GSDME: variants seen among roughly 807,000 people sequenced by gnomAD.
GSDME encodes gasdermin-E.
GSDME carries 44 observed loss-of-function variants against 47.5 expected under a neutral mutation model. The ratio of observed to expected loss-of-function variants is 0.93; its 90% CI spans 0.73 to 1.19. The LOEUF (loss-of-function observed/expected upper bound fraction) is 1.19, where lower values mean the gene tolerates loss of function less well. Ranked by LOEUF, GSDME falls within the 50% of genes most tolerant of loss-of-function variation. The pLI is 0.00. For synonymous variants in GSDME, 258 were observed against 252.8 expected (o/e 1.02, Z -0.20); for missense variants, 663 against 604.2 (o/e 1.10, Z -1.02).
chr7:24,781,207 C>T, the GSDME span, among the ~76,000 whole-genome samples: 1 of 152,192 alleles, frequency 6.6e-6, no homozygotes, highest in Non-Finnish European at 1.5e-5. Context: ...AGGTGTACAG[C>T]CTAACTCCAG....
At chr7:24,772,803 T>C in the GSDME span, among the ~76,000 whole-genome samples, 2 of 152,182 alleles carry the variant, frequency 1.3e-5, no homozygotes, top group African/African-American at 4.8e-5. The surrounding 1 kb of genome is among the most constrained non-coding windows in gnomAD (Gnocchi z 4.5). Flanking sequence ...CTTAGAAAGG[T>C]ATTTCTTTCT....
intron 5 of GSDME, among the ~76,000 whole-genome samples, chr7:24,711,328 G>A (rs1275220440): frequency 2.6e-5 from 4 of 152,008 alleles, no homozygotes; most frequent in Non-Finnish European, 5.9e-5. Context: ...TGCTGGAAGC[G>A]ATTCTCCTGT....
rs1489198655 is a variant in GSDME, at chr7:24,705,122, G to C, written c.1183+1062C>G. The C allele has an allele frequency of 1.3e-5, 2 of 152,110 alleles. No individual in the cohort carries two copies. The highest frequency in any genetic ancestry group is 2.9e-5 in the Non-Finnish European group (2 of 68,040). 9.4% of individuals were successfully genotyped at this position (152,110 alleles called of 1,614,324 possible). A position where few individuals can be genotyped will look rare whatever the true frequency, so the allele number is the denominator to read the frequency against. On this transcript the variant is annotated intron_variant, in intron 8 of 9. Transcript: ENST00000645220. The surrounding 1 kb of genome is among the most constrained non-coding windows in gnomAD (Gnocchi z 4.1). ...ATAGAAATGCTGCAATAAGTAATGG[G>C]GTATATGAAGAAAAGACCTCTCACA...
chr7:24,791,635 C>T, the GSDME span, among the ~76,000 whole-genome samples: 4 of 152,334 alleles, frequency 2.6e-5, no homozygotes, highest in South Asian at 8.3e-4. This position sits in a 1 kb window ranked among gnomAD's most constrained non-coding sequence, Gnocchi z 4.8. Context: ...GATCCATCTT[C>T]TTCTATCACC....
chr7:24,778,907 T>A, the GSDME span, among the ~76,000 whole-genome samples: 1 of 152,172 alleles, frequency 6.6e-6, no homozygotes, highest in Non-Finnish European at 1.5e-5. This position sits in a 1 kb window ranked among gnomAD's most constrained non-coding sequence, Gnocchi z 5.6. Flanking sequence ...TTGGAGGGCA[T>A]CTTGCAAGCT....
At position 24,735,441 on chromosome 7, in the gene GSDME, A is replaced by G. The variant is rs1305195026; in HGVS notation, c.404+9121T>C. On this transcript the variant is annotated intron_variant, in intron 3 of 9. Coordinates refer to ENST00000645220, the MANE Select transcript of GSDME (RefSeq NM_001127453.2). This position sits in a 1 kb window ranked among gnomAD's most constrained non-coding sequence, Gnocchi z 4.4. ...CTACTCATATCTTAAGCAGAAAGAC[A>G]AAAAGATGAACCAATTAAAAATAGT... Among the ~76,000 whole-genome samples the G allele has an allele frequency of 2.0e-5, 3 of 152,194 alleles. No homozygotes were observed. Among genetic ancestry groups the G allele is most frequent in the African/African-American group, 2.4e-5 (1 of 41,450 alleles).
At chr7:24,717,517 G>T in intron 4 of GSDME, 143 bp from the exon 5 acceptor site, 1 of 1,335,078 alleles carries the variant, frequency 7.5e-7, no homozygotes, top group Non-Finnish European at 1.0e-6. Context: ...GAGCCAGCCA[G>T]CATGGGGGAT....
At position 24,735,016 on chromosome 7, in the gene GSDME, A is replaced by G. The variant is rs1584091003; in HGVS notation, c.404+9546T>C. 6.6e-6 allele frequency among the ~76,000 whole-genome samples: 1 copy of G among 152,196 alleles called. No individual in the cohort carries two copies. The highest frequency in any genetic ancestry group is 1.9e-4 in the East Asian group (1 of 5,192). On this transcript the variant is annotated intron_variant, in intron 3 of 9. Transcript: ENST00000645220. This position sits in a 1 kb window ranked among gnomAD's most constrained non-coding sequence, Gnocchi z 4.4. ...AAGGCATTTAATAAGCAAATTCCCAAAAATCAAGGATAAAGAAAGGATCCT... is the reference window on the plus strand; with the variant it reads ...AAGGCATTTAATAAGCAAATTCCCAGAAATCAAGGATAAAGAAAGGATCCT...
upstream of GSDME, among the ~76,000 whole-genome samples, chr7:24,761,348 G>C (rs1791163022): frequency 6.6e-6 from 1 of 152,228 alleles, no homozygotes; most frequent in African/African-American, 2.4e-5. The surrounding 1 kb of genome is among the most constrained non-coding windows in gnomAD (Gnocchi z 4.4). Context: ...GAGGCTGAGA[G>C]AGAAGTCCAA....
intron 3 of GSDME, among the ~76,000 whole-genome samples, chr7:24,729,429 C>A (rs1365838620): frequency 1.3e-5 from 2 of 152,232 alleles, no homozygotes; most frequent in Non-Finnish European, 2.9e-5. Context: ...GACCCCACAA[C>A]AAAGGAGGCA....
At chr7:24,779,498 GGTGTGTGTGTGTGT>G in the GSDME span, among the ~76,000 whole-genome samples, 7 of 143,140 alleles carry the variant, frequency 4.9e-5, no homozygotes, top group South Asian at 2.3e-4. This position sits in a 1 kb window ranked among gnomAD's most constrained non-coding sequence, Gnocchi z 6.0. Flanking sequence ...AGTGATACAT[GGTGTGTGTGTGTGT>G]GTGTGTGTGT....
Position 24,705,536 on chromosome 7 carries a change from C to G in GSDME, c.1183+648G>C, listed in dbSNP as rs1374806006. 1.9e-5 allele frequency: 3 copies of G among 158,340 alleles called. No individual in the cohort carries two copies. The highest frequency in any genetic ancestry group is 4.2e-5 in the Non-Finnish European group (3 of 71,766). The allele number at this position is 158,340 out of a possible 1,614,324, so 9.8% of individuals were successfully genotyped here. A position where few individuals can be genotyped will look rare whatever the true frequency, so the allele number is the denominator to read the frequency against. On this transcript the variant is annotated intron_variant, in intron 8 of 9. Transcript: ENST00000645220. The surrounding 1 kb of genome is among the most constrained non-coding windows in gnomAD (Gnocchi z 4.1). ...GCTTTTCTGAGAGGGAATAGGAAGC[C>G]CAGCTTCCTCGTGACAGGCACTGTG...
Position 24,739,628 on chromosome 7 carries a change from A to G in GSDME, c.404+4934T>C, listed in dbSNP as rs1451379454. Among the ~76,000 whole-genome samples the G allele has an allele frequency of 2.6e-5, 4 of 152,244 alleles. No homozygotes were observed. Among genetic ancestry groups the G allele is most frequent in the Non-Finnish European group, 5.9e-5 (4 of 68,044 alleles). ...TACTATCCAGCATTCCAACTGCTGGATATGTACCCAAAAGAAAGGAAATCA... is the reference window on the plus strand; with the variant it reads ...TACTATCCAGCATTCCAACTGCTGGGTATGTACCCAAAAGAAAGGAAATCA... On this transcript the variant is annotated intron_variant, in intron 3 of 9. Transcript: ENST00000645220. The surrounding 1 kb of genome is among the most constrained non-coding windows in gnomAD (Gnocchi z 5.1).
At chr7:24,703,230 TTCC>T in intron 8 of GSDME, 1 of 338,510 alleles carries the variant, frequency 3.0e-6, no homozygotes, top group East Asian at 7.6e-5. Context: ...CAGCCTCAGT[TTCC>T]TCATTTACCA....
rs563945127 is a variant in GSDME at position 24,719,265 on chromosome 7, T to C, written c.405-47A>G. The C allele has an allele frequency of 6.3e-6, 10 of 1,586,830 alleles. No homozygotes were observed. The East Asian group carries it at 1.3e-4, about 21-fold the overall frequency. ...GAGTGGCTTAGTGCCTCAGGGGACA[T>C]TGGTGTAGTGTGAATTTCCTCTTGC... On this transcript the variant is annotated intron_variant, in intron 3 of 9. Transcript: ENST00000645220.
chr7:24,791,666 A>C, the GSDME span, among the ~76,000 whole-genome samples: 1 of 152,170 alleles, frequency 6.6e-6, no homozygotes, highest in Non-Finnish European at 1.5e-5. The surrounding 1 kb of genome is among the most constrained non-coding windows in gnomAD (Gnocchi z 4.8). Context: ...CTGGTTGATG[A>C]AATGCCAGGG....
rs1426099221 is a variant in GSDME at position 24,708,810 on chromosome 7, C to T, written c.863-556G>A. On this transcript the variant is annotated intron_variant, in intron 6 of 9. Transcript: ENST00000645220. ...TATCCTTTGCTTCTTCATGAGTCCT[C>T]AAGCTGAGCACTGAGTCCCCGAAGC... Among the ~76,000 whole-genome samples the T allele has an allele frequency of 2.0e-5, 3 of 152,220 alleles. 1 individual carries two copies. Among genetic ancestry groups the T allele is most frequent in the Non-Finnish European group, 4.4e-5 (3 of 68,042 alleles).
At chr7:24,715,528 G>T (rs1422180782) in intron 5 of GSDME, 1 of 470,402 alleles carries the variant, frequency 2.1e-6, no homozygotes, top group East Asian at 7.0e-5. Flanking sequence ...TTCACCACTG[G>T]CCATCAGTAA....
At position 24,708,172 on chromosome 7, in the gene GSDME, C is replaced by T. The variant is rs767998409; in HGVS notation, c.945G>A (p.Gln315=). The change falls in exon 7 of 10, where the codon CAG becomes CAA. Residue 315 remains glutamine, a synonymous_variant. Coordinates refer to ENST00000645220, the MANE Select transcript of GSDME (RefSeq NM_001127453.2). ...GTAGTTCATCATCAAATAGGACCGCCTGGAAGATGTCACTCAAAGCTGTCT... is the reference window on the plus strand; with the variant it reads ...GTAGTTCATCATCAAATAGGACCGCTTGGAAGATGTCACTCAAAGCTGTCT... ...PQQTALSDIF[Q]AVLFDDELLM... 114 of 1,614,028 alleles carry T rather than the reference C, an allele frequency of 7.1e-5. 1 individual carries two copies. Among genetic ancestry groups the T allele is most frequent in the Non-Finnish European group, 9.6e-5 (113 of 1,180,032 alleles).
Sources: gnomAD v4.1 joint callset for allele counts (sites outside exome capture counted in the v4.1 genomes callset) on GRCh38, gnomAD v4.1.1 for gene constraint, Gnocchi (gnomAD v3.1) non-coding constraint, MANE v1.5 for transcripts, NCBI Gene and HGNC (gene_info 2026-07-23, HGNC 2026-07-21) for gene names.